BCL11B: variants seen among roughly 807,000 people sequenced by gnomAD.
BCL11B encodes B-cell lymphoma/leukemia 11B.
Under a neutral mutation model 49.9 loss-of-function variants are expected in BCL11B, and 8 were observed. The observed-to-expected ratio is 0.16, with a 90% confidence interval of 0.09 to 0.29. The LOEUF is 0.29. Ranked by LOEUF, BCL11B falls within the 10% of genes least tolerant of loss-of-function variation. The pLI, the probability that BCL11B is intolerant of heterozygous loss-of-function variation, is 1.00. For synonymous variants in BCL11B, 739 were observed against 637.4 expected (o/e 1.16, Z -2.40); for missense variants, 1,006 against 1,351.0 (o/e 0.74, Z 4.00).
At chr14:99,251,464 C>T (rs1025184040) in intron 2 of BCL11B, among the ~76,000 whole-genome samples, 1 of 152,062 alleles carries the variant, frequency 6.6e-6, no homozygotes, top group Non-Finnish European at 1.5e-5. Context: ...AGTCACATAG[C>T]AAGACCCTGG....
At chr14:99,178,037 C>T (rs1886590395) in intron 3 of BCL11B, among the ~76,000 whole-genome samples, 2 of 152,166 alleles carry the variant, frequency 1.3e-5, no homozygotes, top group Non-Finnish European at 2.9e-5. Flanking sequence ...CGGGACCTCC[C>T]CAAGACATCG....
intron 3 of BCL11B, among the ~76,000 whole-genome samples, chr14:99,217,371 T>TACACACACATACAAACAC (rs1555380363): frequency 6.9e-6 from 1 of 145,106 alleles, no homozygotes; most frequent in African/African-American, 2.6e-5. Context: ...AGTACAAATA[T>TACACACACATACAAACAC]ACACACACAT....
chr14:99,213,302 A>T lies in BCL11B; in HGVS notation c.640+18043T>A, dbSNP rs1254265175. On this transcript the variant is annotated intron_variant, in intron 3 of 3. Coordinates refer to ENST00000357195, the MANE Select transcript of BCL11B (RefSeq NM_138576.4). The surrounding 1 kb of genome is among the most constrained non-coding windows in gnomAD (Gnocchi z 5.1). Reference sequence around the variant, plus strand: ...GAAGGCCCCGAGCTGCTCCCTCTCAAGTGCAGCAGACACAGCCCCGACTAA... The same window carrying T: ...GAAGGCCCCGAGCTGCTCCCTCTCATGTGCAGCAGACACAGCCCCGACTAA... Among the ~76,000 whole-genome samples, 2 of 152,198 alleles carry T rather than the reference A, an allele frequency of 1.3e-5. No individual in the cohort carries two copies. Among genetic ancestry groups the T allele is most frequent in the Non-Finnish European group, 2.9e-5 (2 of 68,036 alleles).
At chr14:99,227,287 A>G (rs913695745) in intron 3 of BCL11B, among the ~76,000 whole-genome samples, 1 of 152,194 alleles carries the variant, frequency 6.6e-6, no homozygotes, top group African/African-American at 2.4e-5. Context: ...GGGCTCACTC[A>G]GCACATGGTG....
intron 2 of BCL11B, among the ~76,000 whole-genome samples, chr14:99,244,382 C>T (rs1201036512): frequency 6.6e-6 from 1 of 152,062 alleles, no homozygotes; most frequent in Admixed American, 6.5e-5. Flanking sequence ...TAGGATGGGG[C>T]CCGTCAAACA....
chr14:99,200,219 G>T (rs749868647), intron 3 of BCL11B, among the ~76,000 whole-genome samples: 1 of 152,160 alleles, frequency 6.6e-6, no homozygotes, highest in Admixed American at 6.5e-5. Context: ...GTCCGCAGCC[G>T]AGAGAAGAGC....
Position 99,174,487 on chromosome 14 carries a change from G to C in BCL11B, c.2349C>G (p.Gly783=), listed in dbSNP as rs1152782. 4 of 1,560,124 alleles carry C rather than the reference G, an allele frequency of 2.6e-6. No individual in the cohort carries two copies. Among genetic ancestry groups the C allele is most frequent in the Non-Finnish European group, 3.5e-6 (4 of 1,155,482 alleles). Residue 783 remains glycine, a synonymous_variant, in exon 4 of 4, where the codon GGC becomes GGG. Coordinates refer to ENST00000357195, the MANE Select transcript of BCL11B (RefSeq NM_138576.4). ...GGSTPHLGGP[G]PGRPSSKEGR... The stretch of plus-strand genomic sequence containing the variant: ...CCTCCTTGGAGCTGGGCCGCCCGGG[G>C]CCCGGGCCGCCCAGGTGCGGGGTGC...
At chr14:99,214,211 T>C (rs1427719955) in intron 3 of BCL11B, among the ~76,000 whole-genome samples, 2 of 152,164 alleles carry the variant, frequency 1.3e-5, no homozygotes, top group Non-Finnish European at 2.9e-5. Flanking sequence ...TCCAGCCTAC[T>C]GCCCTCCACT....
At chr14:99,198,597 C>T (rs889752409) in intron 3 of BCL11B, among the ~76,000 whole-genome samples, 1 of 152,126 alleles carries the variant, frequency 6.6e-6, no homozygotes, top group African/African-American at 2.4e-5. Context: ...GTCTTCAGGC[C>T]GTGGTCCTGG....
chr14:99,170,262 T>C lies in BCL11B; in HGVS notation c.*3889A>G, dbSNP rs545826280. On this transcript the variant is annotated 3_prime_UTR_variant, in exon 4 of 4. Transcript: ENST00000357195. ...GCTTTCTCTCCCATTCCCTCCCCCCTTTTTTTTAACTTTGCAAAGGTAAGT... is the reference window on the plus strand; with the variant it reads ...GCTTTCTCTCCCATTCCCTCCCCCCCTTTTTTTAACTTTGCAAAGGTAAGT... 1.1e-4 allele frequency: 23 copies of C among 213,984 alleles called. No homozygotes were observed. The highest frequency in any genetic ancestry group is 3.2e-4 in the African/African-American group (14 of 44,238). The allele number at this position is 213,984 out of a possible 1,614,324, so 13.3% of individuals were successfully genotyped here.
intron 3 of BCL11B, among the ~76,000 whole-genome samples, chr14:99,202,874 C>G (rs919725158): frequency 2.6e-5 from 4 of 152,220 alleles, no homozygotes; most frequent in African/African-American, 4.8e-5. Context: ...GTTCTGGTCT[C>G]TGGTCAGGAA....
At position 99,172,171 on chromosome 14, in the gene BCL11B, C is replaced by T. The variant is rs1886312159; in HGVS notation, c.*1980G>A. ...CTTTAGAAAAAATTAGCCGTTGTTCCTGAATTGTTTTTGTTTTGCTTTTCA... is the reference window on the plus strand; with the variant it reads ...CTTTAGAAAAAATTAGCCGTTGTTCTTGAATTGTTTTTGTTTTGCTTTTCA... On this transcript the variant is annotated 3_prime_UTR_variant, in exon 4 of 4. Coordinates refer to ENST00000357195, the MANE Select transcript of BCL11B (RefSeq NM_138576.4). The T allele has an allele frequency of 4.5e-6, 1 of 222,670 alleles. No individual in the cohort carries two copies. The highest frequency in any genetic ancestry group is 9.0e-6 in the Non-Finnish European group (1 of 111,264). The allele number at this position is 222,670 out of a possible 1,614,324, so 13.8% of individuals were successfully genotyped here.
intron 3 of BCL11B, among the ~76,000 whole-genome samples, chr14:99,180,252 C>A (rs1022447999): frequency 6.6e-6 from 1 of 152,242 alleles, no homozygotes; most frequent in African/African-American, 2.4e-5. Flanking sequence ...ATTTACCCAG[C>A]AACATCAAAC....
At chr14:99,254,310 A>G (rs1236287429) in intron 2 of BCL11B, among the ~76,000 whole-genome samples, 7 of 152,250 alleles carry the variant, frequency 4.6e-5, no homozygotes, top group African/African-American at 1.7e-4. Context: ...GACTATCCCG[A>G]GGAAACAGCT....
intron 2 of BCL11B, among the ~76,000 whole-genome samples, chr14:99,236,961 A>G (rs1181183600): frequency 1.3e-5 from 2 of 152,230 alleles, no homozygotes; most frequent in Non-Finnish European, 2.9e-5. Context: ...CCTATTTGAA[A>G]GAAGTGGAGT....
intron 1 of BCL11B, among the ~76,000 whole-genome samples, chr14:99,267,508 T>A (rs1249474393): frequency 6.9e-6 from 1 of 144,490 alleles, no homozygotes; most frequent in African/African-American, 2.5e-5. Context: ...TCTAATGATA[T>A]GGGGTTCCCT....
chr14:99,199,677 T>TGCGCGCGCGC (rs1272012647), intron 3 of BCL11B, among the ~76,000 whole-genome samples: 4 of 112,110 alleles, frequency 3.6e-5, no homozygotes, highest in East Asian at 2.7e-4. Context: ...TGTGTGTGTG[T>TGCGCGCGCGC]GTGTGTGCGC....
In BCL11B at chr14:99,173,893, A is replaced by G. The variant is rs1015506831; in HGVS notation, c.*258T>C. ...AAATAATAATAAAAAGTACCTGCAC[A>G]TGCCAAAAAAATTACAAAACCCAAT... On this transcript the variant is annotated 3_prime_UTR_variant, in exon 4 of 4. Transcript: ENST00000357195. 31 of 525,152 alleles carry G rather than the reference A, an allele frequency of 5.9e-5. No homozygotes were observed. In the Middle Eastern group the frequency reaches 2.5e-3, roughly 42 times the overall value. 32.5% of individuals were successfully genotyped at this position (525,152 alleles called of 1,614,324 possible).
intron 3 of BCL11B, among the ~76,000 whole-genome samples, chr14:99,187,323 C>G (rs1430334605): frequency 6.6e-6 from 1 of 152,212 alleles, no homozygotes; most frequent in African/African-American, 2.4e-5. Flanking sequence ...TGAAAAGCTA[C>G]AGCACATTCC....
Sources: gnomAD v4.1 joint callset for allele counts (sites outside exome capture counted in the v4.1 genomes callset) on GRCh38, gnomAD v4.1.1 for gene constraint, Gnocchi (gnomAD v3.1) non-coding constraint, MANE v1.5 for transcripts, NCBI Gene and HGNC (gene_info 2026-07-23, HGNC 2026-07-21) for gene names.